IRGM: variants seen among roughly 807,000 people sequenced by gnomAD.
The protein encoded by IRGM is immunity related GTPase M.
For missense variants in IRGM, 288 were observed against 219.9 expected (o/e 1.31, Z -1.96); for synonymous variants, 98 against 80.6 (o/e 1.22, Z -1.16).
intron 3 of IRGM, among the ~76,000 whole-genome samples, chr5:150,888,580 G>C (rs1282376867): frequency 6.6e-6 from 1 of 151,990 alleles, no homozygotes; most frequent in African/African-American, 2.4e-5. Flanking sequence ...CTTGGCAAAT[G>C]CAAAAGAACG....
At chr5:150,848,737 T>TC, downstream of IRGM, 4 of 1,106,070 alleles carry the variant, frequency 3.6e-6, no homozygotes, top group Non-Finnish European at 5.1e-6. Context: ...TTCACTGGAC[T>TC]CATTGAAACA....
chr5:150,882,688 G>A (rs745827378), intron 3 of IRGM, among the ~76,000 whole-genome samples: 3 of 152,106 alleles, frequency 2.0e-5, no homozygotes, highest in Non-Finnish European at 2.9e-5. Flanking sequence ...GAATACATAC[G>A]CAACCAACAT....
intron 3 of IRGM, among the ~76,000 whole-genome samples, chr5:150,885,934 C>T (rs545468725): frequency 2.5e-3 from 386 of 152,184 alleles, no homozygotes; most frequent in Non-Finnish European, 4.7e-3. Flanking sequence ...CTGGCTAGGG[C>T]TTCCAATATT....
chr5:150,851,676 C>T (rs1300611948), downstream of IRGM, among the ~76,000 whole-genome samples: 1 of 152,200 alleles, frequency 6.6e-6, no homozygotes, highest in African/African-American at 2.4e-5. Context: ...GCACTTCATC[C>T]GTGTCTTCAC....
At chr5:150,877,156 G>A (rs948625280) in intron 1 of IRGM, among the ~76,000 whole-genome samples, 1 of 152,126 alleles carries the variant, frequency 6.6e-6, no homozygotes, top group South Asian at 2.1e-4. Flanking sequence ...GTTGACAAGG[G>A]GAGGACTTGT....
intron 3 of IRGM, among the ~76,000 whole-genome samples, chr5:150,886,383 A>G (rs1754522936): frequency 1.3e-5 from 2 of 151,924 alleles, no homozygotes; most frequent in African/African-American, 2.4e-5. Flanking sequence ...GTCCTTGCCA[A>G]GTTTTGGTAT....
At chr5:150,860,160 C>A (rs1217655824) in intron 1 of IRGM, among the ~76,000 whole-genome samples, 2 of 152,152 alleles carry the variant, frequency 1.3e-5, no homozygotes, top group Non-Finnish European at 2.9e-5. Context: ...TAAATTTATA[C>A]AATGGCAATT....
intron 3 of IRGM, chr5:150,897,965 C>G (rs1209442659): frequency 1.4e-6 from 2 of 1,447,942 alleles, no homozygotes; most frequent in African/African-American, 2.8e-5. Context: ...ACTAAATTCT[C>G]AGCATAGAAG....
chr5:150,898,402 G>C, intron 3 of IRGM: 1 of 1,613,366 alleles, frequency 6.2e-7, no homozygotes, highest in Non-Finnish European at 8.5e-7. Context: ...GGACAACTCT[G>C]AGTTATTCAG....
chr5:150,897,058 A>G, intron 3 of IRGM: 1 of 1,057,906 alleles, frequency 9.5e-7, no homozygotes, highest in Non-Finnish European at 1.3e-6. Flanking sequence ...ATGATCCAAC[A>G]TAGTAGATGA....
At chr5:150,876,820 C>T (rs190343838) in intron 1 of IRGM, among the ~76,000 whole-genome samples, 27 of 152,278 alleles carry the variant, frequency 1.8e-4, no homozygotes, top group Non-Finnish European at 3.5e-4. Context: ...GTCATCGATG[C>T]CAGCTACGAC....
rs1169774944 is a variant in IRGM at position 150,846,961 on chromosome 5, T to G, written c.-675T>G. On this transcript the variant is annotated 5_prime_UTR_variant, in exon 1 of 2. Coordinates refer to ENST00000522154, the MANE Select transcript of IRGM (RefSeq NM_001145805.2). Reference sequence around the variant, plus strand: ...GGAGTAGGAAATCACATCACCTTCTTTTAATCAGTCTCAAATACCTGGCCC... The same window carrying G: ...GGAGTAGGAAATCACATCACCTTCTGTTAATCAGTCTCAAATACCTGGCCC... The G allele has an allele frequency of 6.6e-6, 1 of 152,500 alleles. No individual in the cohort carries two copies. Among genetic ancestry groups the G allele is most frequent in the Non-Finnish European group, 1.5e-5 (1 of 68,202 alleles). 9.4% of individuals were successfully genotyped at this position (152,500 alleles called of 1,614,324 possible). A position where few individuals can be genotyped will look rare whatever the true frequency, so the allele number is the denominator to read the frequency against.
Position 150,869,835 on chromosome 5 carries a change from T to C in IRGM, c.159-8145T>C, listed in dbSNP as rs189182700. Among the ~76,000 whole-genome samples, 144 of 152,310 alleles carry C rather than the reference T, an allele frequency of 9.5e-4. 1 individual carries two copies. The highest frequency in any genetic ancestry group is 3.3e-3 in the African/African-American group (138 of 41,566). The stretch of plus-strand genomic sequence containing the variant: ...CCACAGAAGGGTCAACATTGAGTTC[T>C]TTGGCAACTTTTCGTATAGTTGTAA... On this transcript the variant is annotated intron_variant and NMD_transcript_variant, in intron 1 of 3. Transcript: ENST00000520549.
At chr5:150,862,092 C>T (rs1754145041) in intron 1 of IRGM, among the ~76,000 whole-genome samples, 1 of 152,234 alleles carries the variant, frequency 6.6e-6, no homozygotes, top group Admixed American at 6.5e-5. Context: ...AAAGGATCTG[C>T]TTCCAAGCTC....
intron 1 of IRGM, among the ~76,000 whole-genome samples, chr5:150,865,126 A>G (rs17727568): frequency 0.095 from 14,452 of 152,226 alleles, 992 homozygotes; most frequent in East Asian, 0.39. Flanking sequence ...ATGGAGTTAA[A>G]TTTTTCTAAA....
chr5:150,882,197 G>A (rs936227554), intron 3 of IRGM, among the ~76,000 whole-genome samples: 4 of 150,384 alleles, frequency 2.7e-5, no homozygotes, highest in Non-Finnish European at 5.9e-5. Flanking sequence ...CCAGCTTGGG[G>A]GACAGAATGA....
At chr5:150,900,591 C>T (rs1754960925) in exon 4 of IRGM, 1 of 152,022 alleles carries the variant, frequency 6.6e-6, no homozygotes, top group African/African-American at 2.4e-5. Context: ...CTCTGCAGTC[C>T]TTCCAGAAGA....
At chr5:150,854,117 T>A (rs888685959) in intron 1 of IRGM, among the ~76,000 whole-genome samples, 1 of 152,048 alleles carries the variant, frequency 6.6e-6, no homozygotes, top group African/African-American at 2.4e-5. Flanking sequence ...ACCATGGAGG[T>A]TACATGTGAC....
At chr5:150,857,176 G>A (rs1175584136) in intron 1 of IRGM, among the ~76,000 whole-genome samples, 1 of 151,828 alleles carries the variant, frequency 6.6e-6, no homozygotes, top group Non-Finnish European at 1.5e-5. Flanking sequence ...GTGAGAACAT[G>A]TGGTGTTTGG....
Sources: allele counts gnomAD v4.1 joint callset (sites outside exome capture counted in the v4.1 genomes callset), GRCh38; gene constraint gnomAD v4.1.1; transcripts MANE v1.5; gene names NCBI Gene and HGNC (gene_info 2026-07-23, HGNC 2026-07-21).